Variants in TRIM9 observed in about 807,000 individuals in gnomAD.
TRIM9 encodes E3 ubiquitin-protein ligase TRIM9.
TRIM9 carries 26 observed loss-of-function variants against 78.3 expected under a neutral mutation model. That is an observed-to-expected ratio of 0.33 (90% CI 0.24 to 0.46). The LOEUF (loss-of-function observed/expected upper bound fraction) is 0.46, where lower values mean the gene tolerates loss of function less well. Among genes scored for constraint, TRIM9 ranks in the 20% least tolerant of loss-of-function variants. The pLI, the probability that TRIM9 is intolerant of heterozygous loss-of-function variation, is 1.00. For missense variants in TRIM9, 787 were observed against 1,036.4 expected (o/e 0.76, Z 3.30); for synonymous variants, 398 against 416.5 (o/e 0.96, Z 0.54).
At chr14:50,996,151 G>A (rs1319489747) in intron 7 of TRIM9, 1 of 984,956 alleles carries the variant, frequency 1.0e-6, no homozygotes, top group Non-Finnish European at 1.2e-6. Flanking sequence ...TCTATATGAT[G>A]ATAGGCTTTT....
intron 6 of TRIM9, among the ~76,000 whole-genome samples, chr14:50,998,969 C>T (rs1241761449): frequency 6.6e-6 from 1 of 152,182 alleles, no homozygotes; most frequent in Non-Finnish European, 1.5e-5. Flanking sequence ...TTGGATCACC[C>T]ATCAATTCAT....
intron 1 of TRIM9, among the ~76,000 whole-genome samples, chr14:51,082,221 C>T (rs888087793): frequency 2.0e-5 from 3 of 152,116 alleles, no homozygotes; most frequent in Non-Finnish European, 4.4e-5. Flanking sequence ...CCAGGAACCA[C>T]GGACAAAGAC....
chr14:50,985,850 C>A, intron 8 of TRIM9, 106 bp downstream of exon 8: 1 of 1,040,968 alleles, frequency 9.6e-7, no homozygotes. Flanking sequence ...CAGAGACTAG[C>A]TCATCCCCCT....
At chr14:51,055,389 A>C (rs1267718894) in intron 1 of TRIM9, among the ~76,000 whole-genome samples, 1 of 152,240 alleles carries the variant, frequency 6.6e-6, no homozygotes, top group Non-Finnish European at 1.5e-5. Flanking sequence ...TCCACATCCT[A>C]ATCCCTGGAA....
At chr14:51,030,668 T>C (rs1173573342) in intron 1 of TRIM9, among the ~76,000 whole-genome samples, 1 of 151,548 alleles carries the variant, frequency 6.6e-6, no homozygotes, top group East Asian at 1.9e-4. Context: ...AGTTTAAGAG[T>C]GTGTAAGTAT....
chr14:51,071,298 C>T (rs1459930063), intron 1 of TRIM9, among the ~76,000 whole-genome samples: 1 of 149,854 alleles, frequency 6.7e-6, no homozygotes, highest in African/African-American at 2.5e-5. Context: ...ATTGCTTGAA[C>T]CCGGGAGGTG....
At chr14:51,031,327 C>A (rs756921277) in intron 1 of TRIM9, among the ~76,000 whole-genome samples, 1 of 152,046 alleles carries the variant, frequency 6.6e-6, no homozygotes, top group Non-Finnish European at 1.5e-5. Context: ...CTAAGATGAC[C>A]CCAGCCTCCC....
intron 1 of TRIM9, among the ~76,000 whole-genome samples, chr14:51,064,195 T>A (rs1218487391): frequency 1.3e-5 from 2 of 152,068 alleles, no homozygotes; most frequent in East Asian, 3.8e-4. Context: ...TTGACTATGA[T>A]CGATTAAGAA....
intron 2 of TRIM9, 135 bp downstream of exon 2, chr14:51,025,130 T>A (rs962453939): frequency 2.6e-6 from 2 of 781,580 alleles, no homozygotes; most frequent in African/African-American, 1.7e-5. Context: ...TGTGTTTGTA[T>A]GTAAAGAACA....
intron 2 of TRIM9, 59 bp downstream of exon 2, chr14:51,025,206 C>A: frequency 6.9e-7 from 1 of 1,443,006 alleles, no homozygotes; most frequent in African/African-American, 1.4e-5. Context: ...GGAAACTCTC[C>A]CGCCACACAG....
intron 1 of TRIM9, among the ~76,000 whole-genome samples, chr14:51,085,722 T>C (rs558975213): frequency 2.0e-5 from 3 of 152,368 alleles, no homozygotes; most frequent in African/African-American, 7.2e-5. Flanking sequence ...ATTTTTAAAA[T>C]CTACTTATTA....
intron 7 of TRIM9, chr14:50,996,936 C>CTTGTT: frequency 1.0e-6 from 1 of 985,368 alleles, no homozygotes; most frequent in Non-Finnish European, 1.2e-6. Context: ...CAAAATTGTG[C>CTTGTT]TTGTTTTTAA....
intron 1 of TRIM9, among the ~76,000 whole-genome samples, chr14:51,086,707 G>T (rs2063784403): frequency 6.6e-6 from 1 of 152,134 alleles, no homozygotes; most frequent in Non-Finnish European, 1.5e-5. Context: ...ATGGAGGAGG[G>T]TGAGCTGAAC....
chr14:50,980,815 A>C (rs770645207), intron 11 of TRIM9, among the ~76,000 whole-genome samples: 15 of 152,242 alleles, frequency 9.9e-5, no homozygotes, highest in Non-Finnish European at 1.8e-4. Context: ...CGAATAATAC[A>C]CACTTGAATG....
chr14:51,053,685 G>A (rs2060650866), intron 1 of TRIM9, among the ~76,000 whole-genome samples: 1 of 145,482 alleles, frequency 6.9e-6, no homozygotes, highest in Admixed American at 6.9e-5. Context: ...CCATGTTGGT[G>A]CGCTGCACCC....
At chr14:51,014,068 T>C (rs1270715273) in intron 3 of TRIM9, among the ~76,000 whole-genome samples, 1 of 152,212 alleles carries the variant, frequency 6.6e-6, no homozygotes, top group Non-Finnish European at 1.5e-5. Context: ...ATCTGAGCAC[T>C]ATAACCCAGA....
In TRIM9 at chr14:51,060,513, C is replaced by T. The variant is rs2061262074; in HGVS notation, c.822+33605G>A. ...ACAGAATCTTGCTCTGTCGCCCAGG[C>T]TGGAGTGCAGTGGCACGATCTCGGC... On this transcript the variant is annotated intron_variant, in intron 1 of 12. Transcript: ENST00000684578. Among the ~76,000 whole-genome samples, 5 of 152,232 alleles carry T rather than the reference C, an allele frequency of 3.3e-5. No homozygotes were observed. In the South Asian group the frequency reaches 1.0e-3, roughly 32 times the overall value.
intron 1 of TRIM9, among the ~76,000 whole-genome samples, chr14:51,077,386 GTTTTTTTTTTT>G (rs146912763): frequency 0.28 from 27,129 of 98,432 alleles, 2,972 homozygotes; most frequent in Middle Eastern, 0.38. Context: ...CTCCAATTCT[GTTTTTTTTTTT>G]TTTTTTTTTT....
At chr14:51,072,993 T>A (rs999833765) in intron 1 of TRIM9, among the ~76,000 whole-genome samples, 3 of 112,316 alleles carry the variant, frequency 2.7e-5, no homozygotes, top group African/African-American at 8.0e-5. Context: ...GTTTTATTTA[T>A]TTTTTTTTTG....
Sources: gnomAD v4.1 joint callset for allele counts (sites outside exome capture counted in the v4.1 genomes callset) on GRCh38, gnomAD v4.1.1 for gene constraint, MANE v1.5 for transcripts, NCBI Gene and HGNC (gene_info 2026-07-23, HGNC 2026-07-21) for gene names.